Variants in DNAH11 observed in about 807,000 individuals in gnomAD.
DNAH11 encodes axonemal beta dynein heavy chain 11.
Under a neutral mutation model 526.0 loss-of-function variants are expected in DNAH11, and 442 were observed. The ratio of observed to expected loss-of-function variants is 0.84; its 90% CI spans 0.78 to 0.91. DNAH11 has a LOEUF of 0.91. Ranked by LOEUF, DNAH11 falls within the 40% of genes least tolerant of loss-of-function variation. The probability of loss-of-function intolerance (pLI) is 0.00; values close to 1 mark genes in which losing one functional copy is unlikely to be tolerated. For missense variants in DNAH11, 6,989 were observed against 5,448.7 expected (o/e 1.28, Z -8.90); for synonymous variants, 2,461 against 1,935.9 (o/e 1.27, Z -7.12).
At chr7:21,662,928 A>G (rs1409572115) in intron 30 of DNAH11, among the ~76,000 whole-genome samples, 1 of 152,080 alleles carries the variant, frequency 6.6e-6, no homozygotes, top group Non-Finnish European at 1.5e-5. Context: ...GGTATCTTTC[A>G]TCTGAACAAT....
intron 6 of DNAH11, among the ~76,000 whole-genome samples, chr7:21,566,618 CACTG>C (rs1390857845): frequency 2.8e-5 from 4 of 141,312 alleles, no homozygotes; most frequent in African/African-American, 7.9e-5. Flanking sequence ...AAAAAAAAAA[CACTG>C]AAGCCTAAGA....
intron 20 of DNAH11, among the ~76,000 whole-genome samples, chr7:21,608,201 T>G (rs1785381201): frequency 6.6e-6 from 1 of 152,174 alleles, no homozygotes; most frequent in Admixed American, 6.5e-5. Flanking sequence ...AATGAACAAC[T>G]GTACTTTATT....
At chr7:21,640,558 G>A (rs1217253280) in intron 28 of DNAH11, among the ~76,000 whole-genome samples, 1 of 150,120 alleles carries the variant, frequency 6.7e-6, no homozygotes, top group Non-Finnish European at 1.5e-5. Context: ...TATGTGACTG[G>A]TTTATTGAAT....
intron 66 of DNAH11, among the ~76,000 whole-genome samples, chr7:21,848,165 T>C (rs1488611968): frequency 9.3e-6 from 1 of 107,702 alleles, no homozygotes; most frequent in Non-Finnish European, 1.6e-5. Flanking sequence ...AGACTCTGTT[T>C]CAAAAAAAAA....
At chr7:21,567,145 G>A (rs1783704853) in intron 6 of DNAH11, among the ~76,000 whole-genome samples, 2 of 152,058 alleles carry the variant, frequency 1.3e-5, no homozygotes, top group African/African-American at 4.8e-5. Flanking sequence ...TTATCAATGT[G>A]TAAAAGCTTT....
At position 21,622,012 on chromosome 7, in the gene DNAH11, A is replaced by G. The variant is rs1786084900; in HGVS notation, c.4500+1934A>G. On this transcript the variant is annotated intron_variant, in intron 25 of 81. Coordinates refer to ENST00000409508, the MANE Select transcript of DNAH11 (RefSeq NM_001277115.2). ...GGAAATAAAGGGTATTCAATTAGGA[A>G]AAGAGGAAGTCAAATTGTCCCTGTT... 2.6e-5 allele frequency among the ~76,000 whole-genome samples: 4 copies of G among 152,160 alleles called. 1 individual carries two copies. Among genetic ancestry groups the G allele is most frequent in the African/African-American group, 9.7e-5 (4 of 41,416 alleles).
intron 65 of DNAH11, among the ~76,000 whole-genome samples, chr7:21,835,010 TAGA>T (rs1781939530): frequency 1.3e-5 from 2 of 152,018 alleles, no homozygotes; most frequent in African/African-American, 2.4e-5. Flanking sequence ...ATAGAAAACC[TAGA>T]AGAACTGGAT....
Position 21,744,532 on chromosome 7 carries a change from T to C in DNAH11, c.8249T>C (p.Leu2750Pro). Residue 2750 changes from leucine to proline, a missense_variant, in exon 50 of 82, where the codon CTG (leucine) becomes CCG (proline). Physicochemically the swap from Leu to Pro is moderately conservative, Grantham distance 98 (BLOSUM62 -3). Transcript: ENST00000409508. The part of the protein sequence containing the change: ...HESARVYGDK[L>P]IDKKDCDLFQ... ...TCTGCCCGTGTTTATGGAGACAAAC[T>C]GATAGACAAAAAAGATTGTGATTTG... 1 of 1,613,412 alleles carries C rather than the reference T, an allele frequency of 6.2e-7. No homozygotes were observed.
intron 61 of DNAH11, among the ~76,000 whole-genome samples, chr7:21,789,621 G>C (rs1253335438): frequency 6.6e-6 from 1 of 152,112 alleles, no homozygotes. Context: ...GTGATTCCAG[G>C]TAAGGCTTCT....
intron 21 of DNAH11, among the ~76,000 whole-genome samples, chr7:21,615,502 C>G (rs1163695137): frequency 1.3e-5 from 2 of 151,738 alleles, no homozygotes; most frequent in African/African-American, 4.8e-5. Context: ...GTTTAATAAG[C>G]TGACTGCCTC....
chr7:21,738,455 A>G (rs529272723), intron 46 of DNAH11, among the ~76,000 whole-genome samples: 12 of 152,294 alleles, frequency 7.9e-5, no homozygotes, highest in Admixed American at 5.2e-4. Flanking sequence ...GTCATGCTGC[A>G]CGTGCTGCAG....
At chr7:21,582,071 G>A in intron 9 of DNAH11, 50 bp downstream of exon 9, 3 of 1,212,436 alleles carry the variant, frequency 2.5e-6, no homozygotes, top group Non-Finnish European at 3.6e-6. Context: ...GAATAATATA[G>A]GCTGTTAAAT....
chr7:21,761,469 G>T (rs1262694204), intron 54 of DNAH11, among the ~76,000 whole-genome samples: 4 of 152,132 alleles, frequency 2.6e-5, no homozygotes, highest in Admixed American at 1.3e-4. Flanking sequence ...TTAACAAACT[G>T]CAAAAACATT....
rs1583508404 is a variant in DNAH11 at position 21,591,179 on chromosome 7, G to C, written c.2275-6G>C. 6.5e-7 allele frequency: 1 copy of C among 1,538,756 alleles called. No homozygotes were observed. On this transcript the variant is annotated splice_region_variant and splice_polypyrimidine_tract_variant and intron_variant, in intron 13 of 81. Transcript: ENST00000409508. The stretch of plus-strand genomic sequence containing the variant: ...CACTTTTTGTTTTGGGGTTTTCTTT[G>C]CTCAGTACATTGGAAATCTTGACCT...
chr7:21,641,345 G>A (rs1027997926), intron 28 of DNAH11, among the ~76,000 whole-genome samples: 1 of 152,152 alleles, frequency 6.6e-6, no homozygotes. Flanking sequence ...TGTGCAGATG[G>A]CCTCCTTTGC....
chr7:21,891,694 C>T (rs557636656), intron 76 of DNAH11, among the ~76,000 whole-genome samples: 1 of 152,150 alleles, frequency 6.6e-6, no homozygotes, highest in Non-Finnish European at 1.5e-5. Flanking sequence ...ACGATAAAAG[C>T]CCGCTTTCTC....
chr7:21,842,627 A>T lies in DNAH11; in HGVS notation c.10775A>T (p.Tyr3592Phe). The change falls in exon 66 of 82, where the codon TAT becomes TTT. Residue 3592 changes from tyrosine to phenylalanine, a missense_variant. Tyr to Phe is a conservative substitution (Grantham distance 22). Coordinates refer to ENST00000409508, the MANE Select transcript of DNAH11 (RefSeq NM_001277115.2). Reference sequence around the variant, plus strand: ...CACACAAAATTGGCAAATCCTCACTATAAGCCGGAATTACAAGCTCAGACA... The same window carrying T: ...CACACAAAATTGGCAAATCCTCACTTTAAGCCGGAATTACAAGCTCAGACA... ...ILHTKLANPH[Y>F]KPELQAQTTL... 1 of 1,614,014 alleles carries T rather than the reference A, an allele frequency of 6.2e-7. No individual in the cohort carries two copies. Among genetic ancestry groups the T allele is most frequent in the Non-Finnish European group, 8.5e-7 (1 of 1,179,882 alleles).
intron 35 of DNAH11, among the ~76,000 whole-genome samples, chr7:21,695,323 A>G (rs1783803840): frequency 6.6e-6 from 1 of 152,222 alleles, no homozygotes; most frequent in Admixed American, 6.5e-5. Context: ...TGGAGGCATC[A>G]CACTACCTGA....
intron 77 of DNAH11, among the ~76,000 whole-genome samples, chr7:21,893,219 G>A (rs1191554840): frequency 6.6e-6 from 1 of 152,220 alleles, no homozygotes; most frequent in Non-Finnish European, 1.5e-5. Flanking sequence ...GGGATTGCCA[G>A]ATAACAGGGT....
Sources: gnomAD v4.1 joint callset for allele counts (sites outside exome capture counted in the v4.1 genomes callset) on GRCh38, gnomAD v4.1.1 for gene constraint, MANE v1.5 for transcripts, NCBI Gene and HGNC (gene_info 2026-07-23, HGNC 2026-07-21) for gene names.